Variants in POLE observed in about 807,000 individuals in gnomAD.
The protein encoded by POLE is DNA polymerase epsilon, catalytic subunit.
A neutral mutation model predicts 279.2 loss-of-function variants in POLE; 188 were observed. The observed-to-expected ratio is 0.67, with a 90% CI of 0.60 to 0.76. The LOEUF (loss-of-function observed/expected upper bound fraction) is 0.76. POLE is among the 30% of genes least tolerant of loss of function. The pLI is 0.00. For missense variants in POLE, 2,703 were observed against 3,016.7 expected (o/e 0.90, Z 2.44); for synonymous variants, 1,214 against 1,172.5 (o/e 1.04, Z -0.72).
At chr12:132,629,059 A>G (rs2041888464) in intron 45 of POLE, among the ~76,000 whole-genome samples, 1 of 152,224 alleles carries the variant, frequency 6.6e-6, no homozygotes, top group African/African-American at 2.4e-5. Flanking sequence ...TATATTTTTA[A>G]ATAATAAACG....
At position 132,624,986 on chromosome 12, in the gene POLE, C is replaced by T. The variant is rs777438368; in HGVS notation, c.6666G>A (p.Leu2222=). Residue 2222 remains leucine (L), a synonymous_variant, in exon 48 of 49, where the codon CTG becomes CTA. Transcript: ENST00000320574. ...MAFTLQDLVC[L]KCRGVKETSM... is the part of the protein sequence containing the mutation. The stretch of plus-strand genomic sequence containing the variant: ...TGGTCTCCTTCACCCCGCGGCACTT[C>T]AGGCAGACCTGAAAGGGAGCAGCCC... The T allele has an allele frequency of 3.3e-5, 54 of 1,613,608 alleles. No individual in the cohort carries two copies. The highest frequency in any genetic ancestry group is 4.2e-5 in the Non-Finnish European group (49 of 1,179,858).
rs536545847 is a variant in POLE at position 132,661,875 on chromosome 12, A to G, written c.2707-191T>C. On this transcript the variant is annotated intron_variant, in intron 23 of 48. Transcript: ENST00000320574. This position sits in a 1 kb window ranked among gnomAD's most constrained non-coding sequence, Gnocchi z 4.1. The stretch of plus-strand genomic sequence containing the variant: ...GTGGTGAAACTCAGGTGTATCTGTT[A>G]GGTCCAAGAAGCCAGACCCAAAATG... 1.3e-5 allele frequency among the ~76,000 whole-genome samples: 2 copies of G among 152,346 alleles called. No individual in the cohort carries two copies. The highest frequency in any genetic ancestry group is 4.8e-5 in the African/African-American group (2 of 41,574).
In POLE at chr12:132,639,190, G is replaced by T. The variant is rs746243658; in HGVS notation, c.5487C>A (p.Ser1829=). ...MHFYRWLRSP[S]SLLHDPALHR... is the part of the protein sequence containing the mutation. ...GCAGGGCAGGGTCATGAAGCAGAGA[G>T]GATGGCGACCGAAGCCAGCGGTAGA... Residue 1829 remains serine (S), a synonymous_variant, in exon 40 of 49, where the codon TCC becomes TCA. Coordinates refer to ENST00000320574, the MANE Select transcript of POLE (RefSeq NM_006231.4). The surrounding 1 kb of genome is among the most constrained non-coding windows in gnomAD (Gnocchi z 4.7). The T allele has an allele frequency of 6.2e-7, 1 of 1,614,146 alleles. No individual in the cohort carries two copies. The highest frequency in any genetic ancestry group is 1.1e-5 in the South Asian group (1 of 91,086).
intron 38 of POLE, 80 bp from the exon 39 acceptor site, chr12:132,641,931 C>T (rs1176640224): frequency 1.5e-6 from 2 of 1,355,246 alleles, no homozygotes; most frequent in Non-Finnish European, 2.1e-6. Context: ...CTCCAGCCAC[C>T]ACCACCTCCA....
chr12:132,676,084 AC>A lies in POLE; in HGVS notation c.1020+9del. 1 of 1,556,880 alleles carries A rather than the reference AC, an allele frequency of 6.4e-7. No homozygotes were observed. The highest frequency in any genetic ancestry group is 8.8e-7 in the Non-Finnish European group (1 of 1,137,928). On this transcript the variant is annotated intron_variant, in intron 10 of 48. Coordinates refer to ENST00000320574, the MANE Select transcript of POLE (RefSeq NM_006231.4). Reference sequence around the variant, plus strand: ...AATACCGGGTAGTTTCCCAAGTGATACCTCCTTACCTCATCGGGTTCATTGA... The same window carrying A: ...AATACCGGGTAGTTTCCCAAGTGATACTCCTTACCTCATCGGGTTCATTGA...
At chr12:132,641,513 C>T (rs2042140691) in intron 39 of POLE, 134 bp downstream of exon 39, 2 of 738,954 alleles carry the variant, frequency 2.7e-6, no homozygotes, top group African/African-American at 1.7e-5. Flanking sequence ...AAACTCGCCA[C>T]ACAGTGGTCT....
intron 6 of POLE, among the ~76,000 whole-genome samples, chr12:132,679,129 G>A (rs1342560566): frequency 2.0e-5 from 3 of 152,190 alleles, no homozygotes; most frequent in East Asian, 1.9e-4. Context: ...TTCTGTGGAC[G>A]ATACCCAAGG....
intron 13 of POLE, 115 bp downstream of exon 13, chr12:132,673,460 G>A: frequency 6.8e-7 from 1 of 1,469,252 alleles, no homozygotes; most frequent in Non-Finnish European, 9.3e-7. Flanking sequence ...TGGCATACAT[G>A]CGTGCACACG....
At chr12:132,656,484 G>A (rs1593764416) in intron 29 of POLE, among the ~76,000 whole-genome samples, 3 of 151,444 alleles carry the variant, frequency 2.0e-5, no homozygotes, top group South Asian at 4.2e-4. Flanking sequence ...TCAGCCTCCC[G>A]AGTAGCTAGG....
chr12:132,644,251 T>C (rs2042224330), intron 32 of POLE, among the ~76,000 whole-genome samples: 1 of 151,330 alleles, frequency 6.6e-6, no homozygotes. Flanking sequence ...AGCCTCCAAC[T>C]CCTGGGCTCA....
In POLE at chr12:132,624,647, G is replaced by A. The variant is rs368916196; in HGVS notation, c.*50C>T. 3.0e-6 allele frequency: 3 copies of A among 1,015,976 alleles called. No homozygotes were observed. In the African/African-American group the frequency reaches 4.7e-5, roughly 16 times the overall value. 62.9% of individuals were successfully genotyped at this position (1,015,976 alleles called of 1,614,324 possible). On this transcript the variant is annotated 3_prime_UTR_variant, in exon 49 of 49. Transcript: ENST00000320574. ...CTGGAAGCACGGGGATGTGGCCTTGGCATCAGGAGGCCTGGCACGGACGCA... is the reference window on the plus strand; with the variant it reads ...CTGGAAGCACGGGGATGTGGCCTTGACATCAGGAGGCCTGGCACGGACGCA...
chr12:132,643,587 C>T lies in POLE; in HGVS notation c.4291-27G>A, dbSNP rs370610017. ...TGGAAGAATCGGGCAGACAGGCCGG[C>T]AAGGGCTGGATGGTGGGGGCTCTGG... On this transcript the variant is annotated intron_variant, in intron 33 of 48. Coordinates refer to ENST00000320574, the MANE Select transcript of POLE (RefSeq NM_006231.4). 1.2e-5 allele frequency: 19 copies of T among 1,613,440 alleles called. No individual in the cohort carries two copies. In the East Asian group the frequency reaches 4.0e-4, roughly 34 times the overall value.
intron 23 of POLE, 132 bp downstream of exon 23, chr12:132,663,872 C>T: frequency 4.7e-6 from 4 of 858,570 alleles, no homozygotes; most frequent in Non-Finnish European, 5.5e-6. Flanking sequence ...GGTCTTCAGG[C>T]TATAGAAAAG....
chr12:132,652,230 G>A (rs1268925695), intron 29 of POLE, among the ~76,000 whole-genome samples: 2 of 150,352 alleles, frequency 1.3e-5, no homozygotes, highest in Non-Finnish European at 2.9e-5. Flanking sequence ...TTCCCTTTGT[G>A]ATGTTTTTCA....
In POLE at chr12:132,643,430, G is replaced by A. The variant is rs1409695934; in HGVS notation, c.4421C>T (p.Ala1474Val). Residue 1474 changes from alanine (A) to valine (V), a missense_variant, in exon 34 of 49, where the codon GCC becomes GTC. This residue lies in a region of POLE where 1,551 missense variants were observed against 1,686.1 expected (regional missense o/e 0.92). Transcript: ENST00000320574. ...ALEHLEMRSL[A>V]QFSYLEPGSI... ...ACCTGGTTCCAGGTAGCTGAACTGGGCCAGAGAGCGCATCTCCAGGTGCTC... is the reference window on the plus strand; with the variant it reads ...ACCTGGTTCCAGGTAGCTGAACTGGACCAGAGAGCGCATCTCCAGGTGCTC... 1 of 1,614,132 alleles carries A rather than the reference G, an allele frequency of 6.2e-7. No individual in the cohort carries two copies. Among genetic ancestry groups the A allele is most frequent in the African/African-American group, 1.3e-5 (1 of 74,952 alleles).
rs1483635586 is a variant in POLE at position 132,665,309 on chromosome 12, G to A, written c.2461C>T (p.Arg821Cys). Residue 821 changes from arginine to cysteine, a missense_variant, in exon 21 of 49, where the codon CGC (arginine) becomes TGC (cysteine). By Grantham distance (180) the Arg-to-Cys change is radical. Around this residue, in one of 5 missense-constraint regions of POLE, gnomAD observed 1,011 missense variants for 1,111.7 expected, o/e 0.91. Coordinates refer to ENST00000320574, the MANE Select transcript of POLE (RefSeq NM_006231.4). ...ILNSFYGYVM[R>C]KGARWYSMEM... is the part of the protein sequence containing the mutation. ...GGGCCCGGGCCCACCTACCCCTTGCGCATGACATAGCCATAGAAGGAGTTC... is the reference window on the plus strand; with the variant it reads ...GGGCCCGGGCCCACCTACCCCTTGCACATGACATAGCCATAGAAGGAGTTC... The A allele has an allele frequency of 1.9e-6, 3 of 1,613,236 alleles. No homozygotes were observed. Among genetic ancestry groups the A allele is most frequent in the Non-Finnish European group, 2.5e-6 (3 of 1,179,660 alleles).
At chr12:132,632,625 G>C in intron 44 of POLE, 39 bp downstream of exon 44, 1 of 1,612,638 alleles carries the variant, frequency 6.2e-7, no homozygotes, top group South Asian at 1.1e-5. Context: ...TAGGTCACTG[G>C]CACATGGCAG....
At chr12:132,658,114 T>G in intron 26 of POLE, 144 bp from the exon 27 acceptor site, 1 of 609,182 alleles carries the variant, frequency 1.6e-6, no homozygotes, top group Non-Finnish European at 3.0e-6. Flanking sequence ...TGCATATGTA[T>G]GCACAAACAT....
Position 132,661,782 on chromosome 12 carries a change from G to A in POLE, c.2707-98C>T, listed in dbSNP as rs751201043. The A allele has an allele frequency of 8.8e-5, 111 of 1,259,750 alleles. 1 individual carries two copies. Among genetic ancestry groups the A allele is most frequent in the Middle Eastern group, 5.5e-4 (2 of 3,632 alleles). The allele number at this position is 1,259,750 out of a possible 1,614,324, so 78.0% of individuals were successfully genotyped here. A position where few individuals can be genotyped will look rare whatever the true frequency, so the allele number is the denominator to read the frequency against. ...CCAGGAGTGGATGGATTGACAAACCGAGGCTTTTCCACATAACTAACACGA... is the reference window on the plus strand; with the variant it reads ...CCAGGAGTGGATGGATTGACAAACCAAGGCTTTTCCACATAACTAACACGA... On this transcript the variant is annotated intron_variant, in intron 23 of 48. Transcript: ENST00000320574. The surrounding 1 kb of genome is among the most constrained non-coding windows in gnomAD (Gnocchi z 4.1).
Sources: allele counts gnomAD v4.1 joint callset (sites outside exome capture counted in the v4.1 genomes callset), GRCh38; gene constraint gnomAD v4.1.1; regional missense constraint gnomAD v4.1.1; non-coding constraint Gnocchi (gnomAD v3.1); transcripts MANE v1.5; gene names NCBI Gene and HGNC (gene_info 2026-07-23, HGNC 2026-07-21).